The following SLC1A3 variants were observed in gnomAD, a reference collection of about 807,000 sequenced individuals.
SLC1A3 encodes solute carrier family 1 member 3.
SLC1A3 carries 21 observed loss-of-function variants against 48.1 expected under a neutral mutation model. The ratio of observed to expected loss-of-function variants is 0.44; its 90% CI spans 0.31 to 0.63. The LOEUF is 0.63. SLC1A3 is among the 20% of genes least tolerant of loss of function. The pLI, the probability that SLC1A3 is intolerant of heterozygous loss-of-function variation, is 0.08. For missense variants in SLC1A3, 546 were observed against 689.0 expected (o/e 0.79, Z 2.32); for synonymous variants, 239 against 251.4 (o/e 0.95, Z 0.47).
rs141636019 is a variant in SLC1A3, at chr5:36,679,872, T to C, written c.1094+12T>C. ...GGGACCTCTTCAAGGTATGTATGTA[T>C]GTGTGGAAAATGAGTCTGAAATGTT... On this transcript the variant is annotated intron_variant, in intron 7 of 9. Coordinates refer to ENST00000265113, the MANE Select transcript of SLC1A3 (RefSeq NM_004172.5). 3.6e-4 allele frequency: 569 copies of C among 1,585,560 alleles called. 2 individuals carry two copies. In the African/African-American group the frequency reaches 7.2e-3, roughly 20 times the overall value.
chr5:36,663,053 G>C (rs942560563), intron 3 of SLC1A3, among the ~76,000 whole-genome samples: 24 of 152,168 alleles, frequency 1.6e-4, no homozygotes, highest in Admixed American at 1.4e-3. Flanking sequence ...CCAGAGAAAA[G>C]GGATTGTCTG....
intron 3 of SLC1A3, among the ~76,000 whole-genome samples, chr5:36,650,090 GT>G (rs564319161): frequency 9.5e-4 from 144 of 152,292 alleles, no homozygotes; most frequent in Non-Finnish European, 1.7e-3. Context: ...CTACCTTACT[GT>G]TTTGGGGACA....
chr5:36,627,356 T>C (rs991535444), intron 2 of SLC1A3, among the ~76,000 whole-genome samples: 5 of 152,276 alleles, frequency 3.3e-5, no homozygotes, highest in South Asian at 2.1e-4. Context: ...ACTCTGCTCC[T>C]GGGGGTAGAG....
intron 3 of SLC1A3, chr5:36,649,243 G>T (rs1325444202): frequency 1.3e-5 from 2 of 150,616 alleles, no homozygotes; most frequent in East Asian, 3.9e-4. Context: ...AGCTACTCCA[G>T]AGGCTGAGGC....
chr5:36,598,183 A>T (rs1738766369), intron 1 of SLC1A3, among the ~76,000 whole-genome samples: 1 of 152,236 alleles, frequency 6.6e-6, no homozygotes, highest in Admixed American at 6.5e-5. Flanking sequence ...TGGTCCAACC[A>T]CTTAACCAGC....
upstream of SLC1A3, among the ~76,000 whole-genome samples, chr5:36,602,198 A>T (rs1176144404): frequency 6.6e-6 from 1 of 151,880 alleles, no homozygotes; most frequent in East Asian, 1.9e-4. Flanking sequence ...CTGTCTTTAA[A>T]AAAACTCCTG....
chr5:36,624,718 A>C (rs1313618634), intron 2 of SLC1A3, among the ~76,000 whole-genome samples: 1 of 152,212 alleles, frequency 6.6e-6, no homozygotes, highest in Non-Finnish European at 1.5e-5. Flanking sequence ...GATGGTTTCT[A>C]GTGACTGAAA....
Position 36,664,497 on chromosome 5 carries a change from AT to A in SLC1A3, c.320-6521del, listed in dbSNP as rs575792338. On this transcript the variant is annotated intron_variant, in intron 3 of 9. Coordinates refer to ENST00000265113, the MANE Select transcript of SLC1A3 (RefSeq NM_004172.5). ...GGGGTTTATGCCAGTGTTTACAAAC[AT>A]TTTTTTTTTTACCAGAAACTACAAT... is the stretch of plus-strand genomic sequence containing the variant. Among the ~76,000 whole-genome samples, 651 of 148,014 alleles carry A rather than the reference AT, an allele frequency of 4.4e-3. 2 individuals carry two copies. Among genetic ancestry groups the A allele is most frequent in the Non-Finnish European group, 5.4e-3 (363 of 66,716 alleles).
chr5:36,642,712 C>G (rs949536313), intron 3 of SLC1A3, among the ~76,000 whole-genome samples: 16 of 152,104 alleles, frequency 1.1e-4, no homozygotes, highest in Admixed American at 6.6e-4. Flanking sequence ...GCCATCACCC[C>G]CCGATTCCCC....
intron 2 of SLC1A3, among the ~76,000 whole-genome samples, chr5:36,626,071 T>C (rs1037552705): frequency 3.9e-5 from 6 of 152,182 alleles, no homozygotes; most frequent in African/African-American, 1.4e-4. Flanking sequence ...TTACTTTCCC[T>C]CCTAATACCT....
chr5:36,629,468 C>G lies in SLC1A3; in HGVS notation c.200C>G (p.Thr67Ser). The change falls in exon 3 of 10, where the codon ACC becomes AGC. Residue 67 changes from threonine to serine, a missense_variant. Physicochemically the swap from Thr to Ser is moderately conservative, Grantham distance 58. This residue lies in a region of SLC1A3 where 348 missense variants were observed against 392.0 expected (regional missense o/e 0.89). Transcript: ENST00000265113. ...CCTTCAGGTACAATCCTTGGATTTA[C>G]CCTCCGACCATACAGAATGAGCTAC... ...AVIVGTILGF[T>S]LRPYRMSYRE... is the part of the protein sequence containing the mutation. 4 of 1,603,188 alleles carry G rather than the reference C, an allele frequency of 2.5e-6. No individual in the cohort carries two copies. The highest frequency in any genetic ancestry group is 3.4e-6 in the Non-Finnish European group (4 of 1,173,254).
At chr5:36,671,496 C>A (rs779730075) in intron 4 of SLC1A3, among the ~76,000 whole-genome samples, 2 of 152,186 alleles carry the variant, frequency 1.3e-5, no homozygotes, top group African/African-American at 4.8e-5. Context: ...GGTCACTGAC[C>A]TCTCTCAACT....
chr5:36,654,524 G>A (rs1213293870), intron 3 of SLC1A3, among the ~76,000 whole-genome samples: 2 of 152,088 alleles, frequency 1.3e-5, no homozygotes, highest in East Asian at 3.9e-4. Context: ...ACTTCTAAAG[G>A]GGCACAGACT....
At chr5:36,679,195 A>G (rs1009262751) in intron 6 of SLC1A3, among the ~76,000 whole-genome samples, 21 of 152,290 alleles carry the variant, frequency 1.4e-4, no homozygotes, top group Admixed American at 5.2e-4. Flanking sequence ...GGTACAGTGG[A>G]TTCCGGCTGT....
At chr5:36,648,359 T>C (rs902296083) in intron 3 of SLC1A3, among the ~76,000 whole-genome samples, 2 of 152,208 alleles carry the variant, frequency 1.3e-5, no homozygotes, top group African/African-American at 4.8e-5. Context: ...ACGATTAATG[T>C]AAAATTTGGA....
intron 2 of SLC1A3, chr5:36,609,249 A>C (rs915579002): frequency 2.6e-5 from 24 of 940,494 alleles, no homozygotes; most frequent in Middle Eastern, 1.1e-3. Flanking sequence ...GGTTGACAGC[A>C]ATCTGTACTA....
At chr5:36,599,427 C>G (rs1165696703) in intron 1 of SLC1A3, among the ~76,000 whole-genome samples, 1 of 151,758 alleles carries the variant, frequency 6.6e-6, no homozygotes, top group Non-Finnish European at 1.5e-5. Flanking sequence ...TCAACTCAGT[C>G]TGTCTCATTG....
intron 4 of SLC1A3, among the ~76,000 whole-genome samples, chr5:36,673,535 C>G (rs1742080154): frequency 6.6e-6 from 1 of 152,150 alleles, no homozygotes; most frequent in Non-Finnish European, 1.5e-5. Flanking sequence ...CATTGGCTAC[C>G]AAAGAGTTGC....
chr5:36,684,012 G>T lies in SLC1A3; in HGVS notation c.1424+14G>T, dbSNP rs921690661. On this transcript the variant is annotated intron_variant, in intron 9 of 9. Transcript: ENST00000265113. ...GGACTGGTTCCTGTGAGTATGCTTG[G>T]CCTGCATTCCAGCTCACTGTCACAG... The T allele has an allele frequency of 6.2e-7, 1 of 1,614,098 alleles. No homozygotes were observed. Among genetic ancestry groups the T allele is most frequent in the African/African-American group, 1.3e-5 (1 of 75,028 alleles).
Sources: allele counts gnomAD v4.1 joint callset (sites outside exome capture counted in the v4.1 genomes callset), GRCh38; gene constraint gnomAD v4.1.1; regional missense constraint gnomAD v4.1.1; transcripts MANE v1.5; gene names NCBI Gene and HGNC (gene_info 2026-07-23, HGNC 2026-07-21).